Variants in CDKL2 observed in about 807,000 individuals in gnomAD.
The protein encoded by CDKL2 is cyclin dependent kinase like 2, also known as cyclin-dependent kinase-like 2.
Under a neutral mutation model 63.9 loss-of-function variants are expected in CDKL2, and 64 were observed. That is an observed-to-expected ratio of 1.00 (90% CI 0.82 to 1.23). CDKL2 has a LOEUF of 1.23. Ranked by LOEUF, CDKL2 falls within the 50% of genes most tolerant of loss-of-function variation. CDKL2 has a pLI of 0.00. For synonymous variants in CDKL2, 211 were observed against 229.2 expected (o/e 0.92, Z 0.72); for missense variants, 656 against 668.0 (o/e 0.98, Z 0.20).
At position 75,614,386 on chromosome 4, in the gene CDKL2, G is replaced by A. The variant is rs758397912; in HGVS notation, c.232C>T (p.Leu78=). ...GTGTGGTCAACAAATTCAAAGACTA[G>A]GTACCATCGTTTTTTTTTCTTACAC... ...EVCKKKKRWY[L]VFEFVDHTIL... is the part of the protein sequence containing the mutation. The change falls in exon 3 of 14, where the codon CTA becomes TTA. Residue 78 remains leucine (L), a synonymous_variant. Coordinates refer to ENST00000307465, the MANE Select transcript of CDKL2 (RefSeq NM_001330724.2). 2 of 1,604,326 alleles carry A rather than the reference G, an allele frequency of 1.2e-6. No individual in the cohort carries two copies. The highest frequency in any genetic ancestry group is 1.7e-5 in the Admixed American group (1 of 59,516).
chr4:75,582,854 T>G (rs977770408), intron 12 of CDKL2, among the ~76,000 whole-genome samples: 1 of 152,124 alleles, frequency 6.6e-6, no homozygotes, highest in African/African-American at 2.4e-5. Context: ...CCACCAGAAA[T>G]TACAGAGATC....
At chr4:75,598,683 C>T (rs1048264453) in intron 7 of CDKL2, among the ~76,000 whole-genome samples, 1 of 151,758 alleles carries the variant, frequency 6.6e-6, no homozygotes, top group African/African-American at 2.4e-5. Context: ...TTAAACGCAT[C>T]CTTTTTTTAT....
intron 12 of CDKL2, among the ~76,000 whole-genome samples, chr4:75,588,370 T>C (rs948850784): frequency 6.6e-6 from 1 of 152,208 alleles, no homozygotes; most frequent in Non-Finnish European, 1.5e-5. Flanking sequence ...CTCAACTTGT[T>C]TTATGAAGCT....
chr4:75,612,719 C>T (rs1193425568), intron 3 of CDKL2, among the ~76,000 whole-genome samples: 1 of 152,212 alleles, frequency 6.6e-6, no homozygotes, highest in Non-Finnish European at 1.5e-5. Flanking sequence ...ATATTTCACC[C>T]CGTAACAATT....
chr4:75,614,163 A>G (rs1729824907), intron 3 of CDKL2, 92 bp downstream of exon 3: 1 of 784,324 alleles, frequency 1.3e-6, no homozygotes, highest in Admixed American at 2.9e-5. Flanking sequence ...TGATGTCTGC[A>G]ACTTATTTTC....
chr4:75,620,431 A>G (rs897780527), intron 2 of CDKL2, among the ~76,000 whole-genome samples: 14 of 152,188 alleles, frequency 9.2e-5, no homozygotes, highest in Admixed American at 8.5e-4. Context: ...GAAAAGTAAC[A>G]TAACAGATGT....
chr4:75,612,647 C>G (rs909773439), intron 3 of CDKL2, among the ~76,000 whole-genome samples: 2 of 152,172 alleles, frequency 1.3e-5, no homozygotes, highest in Non-Finnish European at 1.5e-5. Flanking sequence ...GTATTTGATT[C>G]ACTAACACCT....
At position 75,582,554 on chromosome 4, in the gene CDKL2, A is replaced by G. The variant is rs974553106; in HGVS notation, c.1648-656T>C. On this transcript the variant is annotated intron_variant, in intron 12 of 13. Transcript: ENST00000307465. The stretch of plus-strand genomic sequence containing the variant: ...TCGGGAACCTATGAGAAAATACTAA[A>G]TGGTCTACCATACATATCATTAGAC... Among the ~76,000 whole-genome samples, 18 of 152,246 alleles carry G rather than the reference A, an allele frequency of 1.2e-4. No homozygotes were observed. The East Asian group carries it at 1.4e-3, about 11-fold the overall frequency.
intron 3 of CDKL2, among the ~76,000 whole-genome samples, chr4:75,609,531 G>C (rs992494680): frequency 8.6e-5 from 13 of 151,380 alleles, no homozygotes; most frequent in Middle Eastern, 3.4e-3. Context: ...CTTGAACCTA[G>C]GAGGGGGAAG....
In CDKL2 at chr4:75,603,788, C is replaced by A. The variant is rs200357700; in HGVS notation, c.795+29G>T. ...TCTTGATAGTGCATAAATTCCCTGT[C>A]ATAAAGTGTAAACAATAAGTATGAT... On this transcript the variant is annotated intron_variant, in intron 6 of 13. Coordinates refer to ENST00000307465, the MANE Select transcript of CDKL2 (RefSeq NM_001330724.2). 5.7e-6 allele frequency: 8 copies of A among 1,395,894 alleles called. No individual in the cohort carries two copies. In the South Asian group the frequency reaches 1.0e-4, roughly 18 times the overall value. The allele number at this position is 1,395,894 out of a possible 1,614,324, so 86.5% of individuals were successfully genotyped here.
chr4:75,612,422 G>A (rs1315077746), intron 3 of CDKL2, among the ~76,000 whole-genome samples: 3 of 152,192 alleles, frequency 2.0e-5, no homozygotes, highest in Admixed American at 2.0e-4. Flanking sequence ...AAGGGACACA[G>A]AAGCAATGTA....
intron 5 of CDKL2, among the ~76,000 whole-genome samples, chr4:75,604,370 C>A (rs1729334212): frequency 6.6e-6 from 1 of 152,082 alleles, no homozygotes; most frequent in Non-Finnish European, 1.5e-5. Context: ...TCTTTTTTCT[C>A]AACTTTAATA....
chr4:75,603,764 C>G, intron 6 of CDKL2, 53 bp downstream of exon 6: 36 of 769,298 alleles, frequency 4.7e-5, no homozygotes, highest in African/African-American at 5.6e-5. Context: ...AAAAAAAGGT[C>G]TTGATAGTGC....
chr4:75,596,444 G>C lies in CDKL2; in HGVS notation c.1323-104C>G, dbSNP rs549404264. 1.3e-5 allele frequency: 9 copies of C among 698,606 alleles called. No homozygotes were observed. In the East Asian group the frequency reaches 2.1e-4, roughly 16 times the overall value. The allele number at this position is 698,606 out of a possible 1,614,324, so 43.3% of individuals were successfully genotyped here. A position where few individuals can be genotyped will look rare whatever the true frequency, so the allele number is the denominator to read the frequency against. ...CACCAACTAACAAGCAGTTTAACCA[G>C]AGTGTAATGTCTATTCTCAAATATA... is the stretch of plus-strand genomic sequence containing the variant. On this transcript the variant is annotated intron_variant, in intron 9 of 13. Coordinates refer to ENST00000307465, the MANE Select transcript of CDKL2 (RefSeq NM_001330724.2).
chr4:75,605,341 G>A (rs972046134), intron 5 of CDKL2, among the ~76,000 whole-genome samples, 181 bp downstream of exon 5: 11 of 146,972 alleles, frequency 7.5e-5, no homozygotes, highest in African/African-American at 7.8e-5. Flanking sequence ...CAAGGAGAGC[G>A]AAACTCCATC....
intron 13 of CDKL2, among the ~76,000 whole-genome samples, chr4:75,580,674 A>G (rs1578308854): frequency 6.7e-6 from 1 of 149,562 alleles, no homozygotes; most frequent in Non-Finnish European, 1.5e-5. Context: ...CTCAAAAAAA[A>G]TGTCTGATTT....
At position 75,607,167 on chromosome 4, in the gene CDKL2, A is replaced by T. The variant is rs1700683054; in HGVS notation, c.542+16T>A. 6.3e-7 allele frequency: 1 copy of T among 1,593,306 alleles called. No individual in the cohort carries two copies. The highest frequency in any genetic ancestry group is 1.1e-5 in the South Asian group (1 of 89,206). On this transcript the variant is annotated intron_variant, in intron 4 of 13. Coordinates refer to ENST00000307465, the MANE Select transcript of CDKL2 (RefSeq NM_001330724.2). ...CAAGAGTAAAAATCTACTCCTCCCC[A>T]TTACTGATGTCTTACTTGCCATACT...
At position 75,591,818 on chromosome 4, in the gene CDKL2, C is replaced by T; in HGVS notation, c.1647+1G>A. 1.3e-6 allele frequency: 2 copies of T among 1,526,056 alleles called. No homozygotes were observed. The highest frequency in any genetic ancestry group is 1.8e-6 in the Non-Finnish European group (2 of 1,138,206). 94.5% of individuals were successfully genotyped at this position (1,526,056 alleles called of 1,614,324 possible). A position where few individuals can be genotyped will look rare whatever the true frequency, so the allele number is the denominator to read the frequency against. On this transcript the variant is annotated splice_donor_variant, in intron 12 of 13. Coordinates refer to ENST00000307465, the MANE Select transcript of CDKL2 (RefSeq NM_001330724.2). LOFTEE classifies it high-confidence loss of function. Reference sequence around the variant, plus strand: ...CCATCCTATAAAGAGTATTTCTGTACCTGATGTAATGTAATACTGGGGGTG... The same window carrying T: ...CCATCCTATAAAGAGTATTTCTGTATCTGATGTAATGTAATACTGGGGGTG...
chr4:75,614,923 G>T (rs1322333293), intron 2 of CDKL2, among the ~76,000 whole-genome samples: 1 of 146,656 alleles, frequency 6.8e-6, no homozygotes, highest in African/African-American at 2.5e-5. Context: ...CATATATATA[G>T]TATATATATA....
Sources: gnomAD v4.1 joint callset for allele counts (sites outside exome capture counted in the v4.1 genomes callset) on GRCh38, gnomAD v4.1.1 for gene constraint, MANE v1.5 for transcripts, NCBI Gene and HGNC (gene_info 2026-07-23, HGNC 2026-07-21) for gene names.